FSHR: variants seen among roughly 807,000 people sequenced by gnomAD.
FSHR encodes the protein follicle stimulating hormone receptor.
A neutral mutation model predicts 52.1 loss-of-function variants in FSHR; 46 were observed. The ratio of observed to expected loss-of-function variants is 0.88; its 90% CI spans 0.70 to 1.13. The LOEUF is 1.13. Among genes scored for constraint, FSHR ranks in the 50% most tolerant of loss-of-function variants. The pLI is 0.00. For missense variants in FSHR, 964 were observed against 834.6 expected, an observed-to-expected ratio of 1.16 and a Z score of -1.91; for synonymous variants, 399 against 309.6, an observed-to-expected ratio of 1.29 and a Z score of -3.03.
At chr2:49,041,608 T>G (rs1368296801) in intron 2 of FSHR, among the ~76,000 whole-genome samples, 1 of 152,120 alleles carries the variant, frequency 6.6e-6, no homozygotes, top group Non-Finnish European at 1.5e-5. Flanking sequence ...TAGATTATTC[T>G]GAGGAAGGCC....
intron 2 of FSHR, among the ~76,000 whole-genome samples, chr2:49,065,327 A>G (rs1341534551): frequency 2.6e-5 from 4 of 152,078 alleles, no homozygotes; most frequent in African/African-American, 4.8e-5. Context: ...GAAGCTTCAT[A>G]CAGTAGGTTA....
At chr2:49,029,218 C>G (rs1001588053) in intron 2 of FSHR, among the ~76,000 whole-genome samples, 19 of 152,292 alleles carry the variant, frequency 1.2e-4, no homozygotes, top group African/African-American at 4.6e-4. Context: ...TATTTACTAC[C>G]TGTGATTGAG....
intron 1 of FSHR, among the ~76,000 whole-genome samples, chr2:49,140,556 C>T (rs1368094832): frequency 6.6e-6 from 1 of 151,968 alleles, no homozygotes. Context: ...AAAAATTAGC[C>T]AGGCATGATG....
At chr2:48,968,661 G>T (rs565125814) in intron 9 of FSHR, 37 bp downstream of exon 9, 1 of 1,608,088 alleles carries the variant, frequency 6.2e-7, no homozygotes. Context: ...TTCTACATTG[G>T]GGAAATGCCT....
chr2:49,039,426 C>T (rs928691816), intron 2 of FSHR, among the ~76,000 whole-genome samples: 1 of 152,220 alleles, frequency 6.6e-6, no homozygotes, highest in Admixed American at 6.5e-5. Flanking sequence ...TGTCTAGACT[C>T]AGCCTTCGTG....
intron 8 of FSHR, among the ~76,000 whole-genome samples, chr2:48,971,443 T>C (rs1674736411): frequency 6.6e-6 from 1 of 152,220 alleles, no homozygotes; most frequent in African/African-American, 2.4e-5. Context: ...TAAGATGACT[T>C]CCTCATTTGT....
intron 1 of FSHR, among the ~76,000 whole-genome samples, chr2:49,093,900 G>A (rs915465054): frequency 6.7e-5 from 10 of 149,832 alleles, no homozygotes; most frequent in African/African-American, 2.5e-4. Flanking sequence ...CCTGGCTAAA[G>A]CTTTCTAAAA....
intron 1 of FSHR, among the ~76,000 whole-genome samples, chr2:49,125,918 T>A (rs2103792239): frequency 6.6e-6 from 1 of 152,324 alleles, no homozygotes; most frequent in East Asian, 1.9e-4. Flanking sequence ...CTGCTATTTC[T>A]CCTCCTGGAG....
At chr2:49,074,312 C>G (rs922969233) in intron 1 of FSHR, among the ~76,000 whole-genome samples, 1 of 151,916 alleles carries the variant, frequency 6.6e-6, no homozygotes, top group Non-Finnish European at 1.5e-5. Flanking sequence ...ACTCAAACAT[C>G]TCAACAGCAA....
At chr2:49,058,932 G>A (rs1669177999) in intron 2 of FSHR, among the ~76,000 whole-genome samples, 1 of 152,164 alleles carries the variant, frequency 6.6e-6, no homozygotes, top group Non-Finnish European at 1.5e-5. Flanking sequence ...TGCAGTTCTA[G>A]GCACAGTGGC....
chr2:49,066,462 C>T (rs537764681), intron 2 of FSHR, among the ~76,000 whole-genome samples: 3 of 152,108 alleles, frequency 2.0e-5, no homozygotes, highest in East Asian at 1.9e-4. Context: ...CTGAGGAATA[C>T]GCAAGTCTCC....
chr2:48,992,608 G>GT (rs942442600), intron 4 of FSHR, among the ~76,000 whole-genome samples: 5 of 152,018 alleles, frequency 3.3e-5, no homozygotes, highest in Non-Finnish European at 7.4e-5. Flanking sequence ...TCATGAAGGT[G>GT]TTTTTTTCTG....
At chr2:48,989,619 C>G (rs896640841) in intron 5 of FSHR, among the ~76,000 whole-genome samples, 2 of 152,112 alleles carry the variant, frequency 1.3e-5, no homozygotes, top group Non-Finnish European at 2.9e-5. Context: ...ATAATTTCAC[C>G]CTAATGTAAC....
At chr2:49,127,840 TC>T (rs1558456765) in intron 1 of FSHR, among the ~76,000 whole-genome samples, 669 of 16,502 alleles carry the variant, frequency 0.041, 70 homozygotes, top group East Asian at 0.13. Flanking sequence ...CTCTTCTTCT[TC>T]TTCTTCTTCT....
intron 5 of FSHR, among the ~76,000 whole-genome samples, chr2:48,990,059 T>G (rs1218613070): frequency 1.3e-5 from 2 of 152,202 alleles, no homozygotes; most frequent in Non-Finnish European, 2.9e-5. Flanking sequence ...ATTCTTACAA[T>G]TTCACTATTG....
chr2:48,966,182 A>T, intron 9 of FSHR, among the ~76,000 whole-genome samples: 1 of 152,250 alleles, frequency 6.6e-6, no homozygotes, highest in Non-Finnish European at 1.5e-5. Flanking sequence ...AGTGCTTGGT[A>T]GTGAATACTT....
rs139428431 is a variant in FSHR at position 49,143,174 on chromosome 2, G to A, written c.152+11092C>T. ...AGCCTGGGAACTCCAACATCTAGAG[G>A]CTGAGAAGCAATAGAGAAGTCAGCA... On this transcript the variant is annotated intron_variant, in intron 1 of 9. Coordinates refer to ENST00000406846, the MANE Select transcript of FSHR (RefSeq NM_000145.4). Among the ~76,000 whole-genome samples, 544 of 152,240 alleles carry A rather than the reference G, an allele frequency of 3.6e-3. 2 individuals carry two copies. Among genetic ancestry groups the A allele is most frequent in the African/African-American group, 0.012 (499 of 41,560 alleles).
intron 1 of FSHR, among the ~76,000 whole-genome samples, chr2:49,103,069 G>A (rs1028244824): frequency 6.6e-6 from 1 of 152,068 alleles, no homozygotes; most frequent in African/African-American, 2.4e-5. Context: ...ATCTGTTTAT[G>A]TATTGTATGT....
At chr2:49,128,791 G>C (rs1425052824) in intron 1 of FSHR, among the ~76,000 whole-genome samples, 1 of 151,918 alleles carries the variant, frequency 6.6e-6, no homozygotes, top group Non-Finnish European at 1.5e-5. Context: ...GCATCTCAAA[G>C]CTCTGGAAAA....
Sources: gnomAD v4.1 joint callset for allele counts (sites outside exome capture counted in the v4.1 genomes callset) on GRCh38, gnomAD v4.1.1 for gene constraint, MANE v1.5 for transcripts, NCBI Gene and HGNC (gene_info 2026-07-23, HGNC 2026-07-21) for gene names.